The following RBM33 variants were observed in gnomAD, a reference collection of about 807,000 sequenced individuals.
RBM33 encodes the protein RNA binding motif protein 33, also known as RNA-binding protein 33.
A neutral mutation model predicts 132.6 loss-of-function variants in RBM33; 28 were observed. That is an observed-to-expected ratio of 0.21 (90% CI 0.16 to 0.29). RBM33 has a LOEUF of 0.29. RBM33 is among the 10% of genes least tolerant of loss of function. The pLI, the probability that RBM33 is intolerant of heterozygous loss-of-function variation, is 1.00. For missense variants in RBM33, 1,291 were observed against 1,518.5 expected (o/e 0.85, Z 2.49); for synonymous variants, 634 against 593.0 (o/e 1.07, Z -1.01).
At chr7:155,681,947 C>T (rs574435116) in intron 5 of RBM33, among the ~76,000 whole-genome samples, 14 of 150,318 alleles carry the variant, frequency 9.3e-5, no homozygotes, top group Non-Finnish European at 1.8e-4. Context: ...TCTAGACGGA[C>T]TCTTGGTTTG....
intron 9 of RBM33, among the ~76,000 whole-genome samples, chr7:155,731,407 A>G (rs1045714026): frequency 1.3e-5 from 2 of 152,230 alleles, no homozygotes; most frequent in African/African-American, 4.8e-5. Context: ...ATGAACAGCA[A>G]TAGCTAATCA....
chr7:155,775,168 T>C lies in RBM33; in HGVS notation c.*127T>C, dbSNP rs752954804. ...GGGCCGCTGTCCTGCGTAACTGTTC[T>C]CCAGAGCGCCAGCCAGCCACGGGCC... On this transcript the variant is annotated 3_prime_UTR_variant, in exon 18 of 18. Transcript: ENST00000401878. 1 of 848,688 alleles carries C rather than the reference T, an allele frequency of 1.2e-6. No individual in the cohort carries two copies. The highest frequency in any genetic ancestry group is 1.4e-5 in the South Asian group (1 of 71,714). 52.6% of individuals were successfully genotyped at this position (848,688 alleles called of 1,614,324 possible).
intron 3 of RBM33, among the ~76,000 whole-genome samples, chr7:155,673,800 A>ACACACCC: frequency 7.0e-6 from 1 of 141,858 alleles, no homozygotes; most frequent in Non-Finnish European, 1.5e-5. Context: ...ACACACACAC[A>ACACACCC]CCCCTACCAG....
intron 14 of RBM33, among the ~76,000 whole-genome samples, chr7:155,750,148 G>A (rs1317633820): frequency 6.6e-6 from 1 of 152,156 alleles, no homozygotes; most frequent in Non-Finnish European, 1.5e-5. Context: ...TAGTTCATCT[G>A]TAGAATTATA....
rs543055343 is a variant in RBM33, at chr7:155,648,209, C to T, written c.43+3290C>T. 2.6e-5 allele frequency among the ~76,000 whole-genome samples: 4 copies of T among 152,302 alleles called. No homozygotes were observed. In the South Asian group the frequency reaches 6.2e-4, roughly 24 times the overall value. ...TTCTGGCAATCTGTTTTCATCCCCC[C>T]ACCTCCACTTTTGTATATTTCAAAC... On this transcript the variant is annotated intron_variant, in intron 1 of 17. Coordinates refer to ENST00000401878, the MANE Select transcript of RBM33 (RefSeq NM_053043.3).
At chr7:155,659,557 A>G (rs567612843) in intron 1 of RBM33, among the ~76,000 whole-genome samples, 1 of 152,244 alleles carries the variant, frequency 6.6e-6, no homozygotes, top group South Asian at 2.1e-4. Context: ...CAGAACGACA[A>G]AACAATGCAT....
At position 155,779,376 on chromosome 7, in the gene RBM33, G is replaced by A. The variant is rs1038455073; in HGVS notation, c.*4335G>A. 3 of 151,716 alleles carry A rather than the reference G, an allele frequency of 2.0e-5. No individual in the cohort carries two copies. The highest frequency in any genetic ancestry group is 1.9e-4 in the East Asian group (1 of 5,192). The allele number at this position is 151,716 out of a possible 1,614,324, so 9.4% of individuals were successfully genotyped here. On this transcript the variant is annotated 3_prime_UTR_variant, in exon 18 of 18. Coordinates refer to ENST00000401878, the MANE Select transcript of RBM33 (RefSeq NM_053043.3). ...CCCGACTACCACCACTCGGAAAGCCGCTAGTCCAGATCGACTAGGGAGAGG... is the reference window on the plus strand; with the variant it reads ...CCCGACTACCACCACTCGGAAAGCCACTAGTCCAGATCGACTAGGGAGAGG...
At chr7:155,649,660 GT>G (rs772475985) in intron 1 of RBM33, among the ~76,000 whole-genome samples, 4 of 152,074 alleles carry the variant, frequency 2.6e-5, no homozygotes, top group African/African-American at 9.7e-5. Context: ...CAGTTGTCTG[GT>G]TTTTTAATGA....
Position 155,775,189 on chromosome 7 carries a change from G to T in RBM33, c.*148G>T, listed in dbSNP as rs754176408. 2.6e-6 allele frequency: 2 copies of T among 755,360 alleles called. No individual in the cohort carries two copies. Among genetic ancestry groups the T allele is most frequent in the East Asian group, 5.3e-5 (2 of 37,786 alleles). 46.8% of individuals were successfully genotyped at this position (755,360 alleles called of 1,614,324 possible). Reference sequence around the variant, plus strand: ...GTTCTCCAGAGCGCCAGCCAGCCACGGGCCTGATTCCAGAGGAGCCGAACT... The same window carrying T: ...GTTCTCCAGAGCGCCAGCCAGCCACTGGCCTGATTCCAGAGGAGCCGAACT... On this transcript the variant is annotated 3_prime_UTR_variant, in exon 18 of 18. Transcript: ENST00000401878.
At chr7:155,714,680 G>A (rs1429111516) in intron 8 of RBM33, among the ~76,000 whole-genome samples, 1 of 152,308 alleles carries the variant, frequency 6.6e-6, no homozygotes, top group South Asian at 2.1e-4. Context: ...GGCCATTAGA[G>A]CGAGAAGGTG....
intron 3 of RBM33, among the ~76,000 whole-genome samples, chr7:155,677,821 G>T (rs73167119): frequency 0.027 from 4,160 of 152,294 alleles, 71 homozygotes; most frequent in Middle Eastern, 0.037. Context: ...GAATGAATAT[G>T]TGTGAATGAC....
chr7:155,751,012 A>C (rs1448573722), intron 14 of RBM33, among the ~76,000 whole-genome samples: 1 of 152,316 alleles, frequency 6.6e-6, no homozygotes, highest in East Asian at 1.9e-4. Context: ...TTGTGGGATC[A>C]TGCATTTATG....
At chr7:155,692,839 T>C (rs1799684465) in intron 5 of RBM33, among the ~76,000 whole-genome samples, 1 of 152,236 alleles carries the variant, frequency 6.6e-6, no homozygotes, top group South Asian at 2.1e-4. Context: ...AGAATTAATC[T>C]GTGTTCAAAG....
intron 1 of RBM33, among the ~76,000 whole-genome samples, chr7:155,664,667 T>C (rs1798750110): frequency 6.6e-6 from 1 of 152,210 alleles, no homozygotes; most frequent in Non-Finnish European, 1.5e-5. Context: ...TCTTTACCTT[T>C]TATAAATGTG....
intron 1 of RBM33, among the ~76,000 whole-genome samples, chr7:155,663,328 G>T (rs1267388285): frequency 6.6e-6 from 1 of 151,970 alleles, no homozygotes; most frequent in Non-Finnish European, 1.5e-5. Context: ...ATTGGCTCAT[G>T]GTTCTGTAGG....
In RBM33 at chr7:155,665,265, C is replaced by A; in HGVS notation, c.122+12C>A. On this transcript the variant is annotated intron_variant, in intron 2 of 17. Coordinates refer to ENST00000401878, the MANE Select transcript of RBM33 (RefSeq NM_053043.3). ...GAGGACTGGGACAGGTACGTGCACC[C>A]TGTGCTTCACCTAACTGCCTGTGCC... 1 of 1,611,440 alleles carries A rather than the reference C, an allele frequency of 6.2e-7. No homozygotes were observed. The highest frequency in any genetic ancestry group is 1.1e-5 in the South Asian group (1 of 91,028).
rs113918462 is a variant in RBM33 at position 155,715,425 on chromosome 7, A to G, written c.1202-2960A>G. 4.6e-3 allele frequency among the ~76,000 whole-genome samples: 699 copies of G among 152,274 alleles called. 7 individuals are homozygous for G. Among genetic ancestry groups the G allele is most frequent in the African/African-American group, 0.016 (659 of 41,550 alleles). Reference sequence around the variant, plus strand: ...TAGTCTTAGAAATATAGGGTGGTAAAGCTGTCAGGAAGCCCCAAGATATCC... The same window carrying G: ...TAGTCTTAGAAATATAGGGTGGTAAGGCTGTCAGGAAGCCCCAAGATATCC... On this transcript the variant is annotated intron_variant, in intron 8 of 17. Coordinates refer to ENST00000401878, the MANE Select transcript of RBM33 (RefSeq NM_053043.3).
chr7:155,738,046 G>A lies in RBM33; in HGVS notation c.1394-14G>A, dbSNP rs371545748. The A allele has an allele frequency of 4.5e-5, 72 of 1,604,376 alleles. No individual in the cohort carries two copies. The highest frequency in any genetic ancestry group is 5.7e-5 in the Non-Finnish European group (67 of 1,173,016). On this transcript the variant is annotated splice_polypyrimidine_tract_variant and intron_variant, in intron 10 of 17. Coordinates refer to ENST00000401878, the MANE Select transcript of RBM33 (RefSeq NM_053043.3). ...TTTTTAACCTGAAGTTAATGATGTT[G>A]TGTTACCTTTCAGTTTCAGGTGAAC...
At chr7:155,757,687 A>T (rs563258470) in intron 14 of RBM33, among the ~76,000 whole-genome samples, 1 of 152,186 alleles carries the variant, frequency 6.6e-6, no homozygotes, top group Non-Finnish European at 1.5e-5. Context: ...TTGCACTGCT[A>T]TAAAGAAATA....
Sources: allele counts gnomAD v4.1 joint callset (sites outside exome capture counted in the v4.1 genomes callset), GRCh38; gene constraint gnomAD v4.1.1; transcripts MANE v1.5; gene names NCBI Gene and HGNC (gene_info 2026-07-23, HGNC 2026-07-21).